Variants in DNAH8 observed in about 807,000 individuals in gnomAD.
DNAH8 encodes the protein dynein axonemal heavy chain 8, also known as axonemal beta dynein heavy chain 8.
A neutral mutation model predicts 562.1 loss-of-function variants in DNAH8; 382 were observed. The ratio of observed to expected loss-of-function variants is 0.68; its 90% CI spans 0.63 to 0.74. DNAH8 has a LOEUF of 0.74. Among genes scored for constraint, DNAH8 ranks in the 30% least tolerant of loss-of-function variants. The pLI is 0.00. For missense variants in DNAH8, 5,203 were observed against 5,620.4 expected (o/e 0.93, Z 2.37); for synonymous variants, 1,881 against 1,919.4 (o/e 0.98, Z 0.52).
chr6:39,000,267 G>A (rs1304780740), intron 88 of DNAH8, among the ~76,000 whole-genome samples: 2 of 152,190 alleles, frequency 1.3e-5, no homozygotes, highest in Non-Finnish European at 2.9e-5. Flanking sequence ...TAAAATCAGG[G>A]TATGTATACA....
intron 29 of DNAH8, among the ~76,000 whole-genome samples, chr6:38,826,826 A>G (rs573590942): frequency 1.1e-4 from 16 of 152,350 alleles, no homozygotes; most frequent in African/African-American, 3.6e-4. Context: ...CTCAGGCTCC[A>G]TAGTAAACTG....
chr6:38,729,742 T>G (rs1763521971), intron 3 of DNAH8, among the ~76,000 whole-genome samples, 160 bp from the exon 4 acceptor site: 1 of 152,242 alleles, frequency 6.6e-6, no homozygotes. Context: ...ATTCAACCAT[T>G]ACTATATTGC....
chr6:38,894,038 A>G (rs1779515116), intron 58 of DNAH8, among the ~76,000 whole-genome samples: 1 of 152,230 alleles, frequency 6.6e-6, no homozygotes, highest in Non-Finnish European at 1.5e-5. Flanking sequence ...GTAAATTAGC[A>G]TATAATACAG....
intron 63 of DNAH8, among the ~76,000 whole-genome samples, chr6:38,906,942 A>G (rs1780526241): frequency 6.6e-6 from 1 of 152,238 alleles, no homozygotes; most frequent in Non-Finnish European, 1.5e-5. Context: ...GGACATGCTC[A>G]TTATTGGAGC....
intron 85 of DNAH8, among the ~76,000 whole-genome samples, chr6:38,976,196 T>G (rs973642107): frequency 6.0e-4 from 92 of 152,334 alleles, no homozygotes; most frequent in African/African-American, 2.0e-3. Flanking sequence ...TGCTGTGAAA[T>G]CAGTTAGCTG....
At chr6:38,883,493 A>G (rs1397636412) in intron 55 of DNAH8, 37 bp downstream of exon 55, 2 of 1,557,604 alleles carry the variant, frequency 1.3e-6, no homozygotes, top group Non-Finnish European at 8.7e-7. Context: ...TATAAACATA[A>G]TACATTTTAA....
At chr6:38,802,753 T>C (rs1408213422) in intron 21 of DNAH8, among the ~76,000 whole-genome samples, 2 of 152,230 alleles carry the variant, frequency 1.3e-5, no homozygotes, top group African/African-American at 4.8e-5. Context: ...CTTAAATTGA[T>C]GCCTGTTATA....
intron 22 of DNAH8, among the ~76,000 whole-genome samples, chr6:38,804,496 T>G (rs1380849812): frequency 6.6e-6 from 1 of 152,126 alleles, no homozygotes; most frequent in Non-Finnish European, 1.5e-5. Context: ...CACCTGCTCT[T>G]CTCCCCAGCT....
chr6:38,806,392 T>A (rs879344357), intron 23 of DNAH8, among the ~76,000 whole-genome samples: 1 of 152,238 alleles, frequency 6.6e-6, no homozygotes, highest in Non-Finnish European at 1.5e-5. Flanking sequence ...GCATCTAGAT[T>A]TCTGCAGAGT....
chr6:38,836,937 TTGA>T (rs1774355672), intron 32 of DNAH8, among the ~76,000 whole-genome samples: 1 of 152,198 alleles, frequency 6.6e-6, no homozygotes, highest in Non-Finnish European at 1.5e-5. Flanking sequence ...TCTTTACACA[TTGA>T]TGAGTTTTTA....
At chr6:38,839,297 A>G (rs1774571459) in intron 33 of DNAH8, among the ~76,000 whole-genome samples, 1 of 152,060 alleles carries the variant, frequency 6.6e-6, no homozygotes, top group South Asian at 2.1e-4. Flanking sequence ...TTTCATTTTG[A>G]TATTTTAAAT....
At chr6:38,857,303 A>G (rs757381287) in intron 41 of DNAH8, among the ~76,000 whole-genome samples, 6 of 152,194 alleles carry the variant, frequency 3.9e-5, no homozygotes, top group Non-Finnish European at 7.4e-5. Flanking sequence ...TAGTTCAACA[A>G]ATGGTAGCCA....
intron 12 of DNAH8, among the ~76,000 whole-genome samples, chr6:38,772,476 T>C (rs2058614978): frequency 1.3e-5 from 2 of 152,224 alleles, no homozygotes; most frequent in African/African-American, 2.4e-5. Flanking sequence ...TATTTTGATG[T>C]ACTTTTGCCC....
chr6:38,730,337 C>G lies in DNAH8; in HGVS notation c.610+351C>G, dbSNP rs1623375. On this transcript the variant is annotated intron_variant, in intron 4 of 92. Coordinates refer to ENST00000327475, the MANE Select transcript of DNAH8 (RefSeq NM_001206927.2). Reference sequence around the variant, plus strand: ...CCACTCCAGAGCCCTGCAGCTACCCCCTGTGGTCCTATCTCAGCATCTTGT... The same window carrying G: ...CCACTCCAGAGCCCTGCAGCTACCCGCTGTGGTCCTATCTCAGCATCTTGT... Among the ~76,000 whole-genome samples, 1,232 of 152,144 alleles carry G rather than the reference C, an allele frequency of 8.1e-3. 21 individuals are homozygous for G. The highest frequency in any genetic ancestry group is 0.027 in the African/African-American group (1,131 of 41,532).
chr6:38,813,316 G>A (rs1771965878), intron 24 of DNAH8, among the ~76,000 whole-genome samples: 5 of 152,022 alleles, frequency 3.3e-5, no homozygotes, highest in Admixed American at 2.0e-4. Context: ...CCAATAATAC[G>A]TTTATCTGGG....
At chr6:38,880,200 TTG>T (rs1778364090) in intron 53 of DNAH8, among the ~76,000 whole-genome samples, 1 of 152,112 alleles carries the variant, frequency 6.6e-6, no homozygotes, top group South Asian at 2.1e-4. Flanking sequence ...TGAGCTGAGA[TTG>T]TGCCACTGCA....
At chr6:38,793,453 C>A (rs1181366826) in intron 21 of DNAH8, among the ~76,000 whole-genome samples, 1 of 151,842 alleles carries the variant, frequency 6.6e-6, no homozygotes, top group Non-Finnish European at 1.5e-5. Flanking sequence ...GTAATTATAC[C>A]AGCTTTTTTC....
At chr6:38,744,965 A>G (rs1483506604) in intron 8 of DNAH8, among the ~76,000 whole-genome samples, 1 of 152,144 alleles carries the variant, frequency 6.6e-6, no homozygotes, top group African/African-American at 2.4e-5. Context: ...GTAATTCACT[A>G]TGACTCCTGG....
chr6:38,896,072 T>C lies in DNAH8; in HGVS notation c.8787T>C (p.His2929=). The change falls in exon 60 of 93, where the codon CAT becomes CAC. Residue 2929 remains histidine (H), a synonymous_variant. Transcript: ENST00000327475. Reference sequence around the variant, plus strand: ...AAGATGAGCAGTGGTTTAATGCACATCTTACTCGTGCAGTTGAAGAAAATA... The same window carrying C: ...AAGATGAGCAGTGGTTTAATGCACACCTTACTCGTGCAGTTGAAGAAAATA... ...TPEDEQWFNA[H]LTRAVEENIG... The C allele has an allele frequency of 6.2e-7, 1 of 1,614,046 alleles. No individual in the cohort carries two copies. Among genetic ancestry groups the C allele is most frequent in the East Asian group, 2.2e-5 (1 of 44,870 alleles).
Sources: allele counts gnomAD v4.1 joint callset (sites outside exome capture counted in the v4.1 genomes callset), GRCh38; gene constraint gnomAD v4.1.1; transcripts MANE v1.5; gene names NCBI Gene and HGNC (gene_info 2026-07-23, HGNC 2026-07-21).